Variants in ENTPD1 observed in about 807,000 individuals in gnomAD.
The protein encoded by ENTPD1 is ATP diphosphohydrolase.
ENTPD1 carries 33 observed loss-of-function variants against 57.0 expected under a neutral mutation model. The observed-to-expected ratio is 0.58, with a 90% confidence interval of 0.44 to 0.77. ENTPD1 has a LOEUF of 0.77. Among genes scored for constraint, ENTPD1 ranks in the 30% least tolerant of loss-of-function variants. The pLI is 0.00. For synonymous variants in ENTPD1, 202 were observed against 218.8 expected, an observed-to-expected ratio of 0.92 and a Z score of 0.68; for missense variants, 501 against 603.4, an observed-to-expected ratio of 0.83 and a Z score of 1.78.
chr10:95,801,558 T>C (rs1292967508), intron 1 of ENTPD1, among the ~76,000 whole-genome samples: 2 of 151,764 alleles, frequency 1.3e-5, no homozygotes, highest in East Asian at 3.9e-4. Context: ...TTTTTATTTA[T>C]TTTTTATTTT....
chr10:95,731,101 T>C (rs2097988597), intron 1 of ENTPD1, among the ~76,000 whole-genome samples: 1 of 152,260 alleles, frequency 6.6e-6, no homozygotes, highest in Non-Finnish European at 1.5e-5. Context: ...TTAGCTAATA[T>C]ATAAACATGT....
intron 1 of ENTPD1, among the ~76,000 whole-genome samples, chr10:95,809,590 AGACGGGGCG>A (rs2098291405): frequency 8.7e-6 from 1 of 115,270 alleles, no homozygotes; most frequent in Non-Finnish European, 1.8e-5. Context: ...CCCACCTCCC[AGACGGGGCG>A]GATGCCAGGC....
chr10:95,736,751 G>T (rs1337913842), intron 1 of ENTPD1, among the ~76,000 whole-genome samples: 1 of 151,994 alleles, frequency 6.6e-6, no homozygotes, highest in African/African-American at 2.4e-5. Flanking sequence ...ATGCACATCG[G>T]GGGCCATAAG....
intron 1 of ENTPD1, among the ~76,000 whole-genome samples, chr10:95,800,324 G>T (rs976997926): frequency 5.9e-5 from 9 of 152,158 alleles, no homozygotes; most frequent in Admixed American, 2.6e-4. Context: ...AGGGGAGGGG[G>T]TGTATGAACA....
chr10:95,813,150 A>G (rs2098314911), intron 1 of ENTPD1, among the ~76,000 whole-genome samples: 1 of 152,224 alleles, frequency 6.6e-6, no homozygotes, highest in South Asian at 2.1e-4. Context: ...AGCCTGCAGG[A>G]TGGCCATTTT....
intron 7 of ENTPD1, among the ~76,000 whole-genome samples, chr10:95,853,077 T>A (rs992304438): frequency 6.6e-6 from 1 of 152,220 alleles, no homozygotes; most frequent in Non-Finnish European, 1.5e-5. Flanking sequence ...GAAATGTTCT[T>A]CCATTTGTTT....
At chr10:95,738,797 GCA>G (rs1400137881) in intron 1 of ENTPD1, among the ~76,000 whole-genome samples, 1 of 152,154 alleles carries the variant, frequency 6.6e-6, no homozygotes, top group Non-Finnish European at 1.5e-5. Flanking sequence ...AAGCACATAG[GCA>G]CACTCTGGTT....
chr10:95,849,665 C>G (rs1555304292), intron 7 of ENTPD1, among the ~76,000 whole-genome samples: 1 of 152,266 alleles, frequency 6.6e-6, no homozygotes, highest in Non-Finnish European at 1.5e-5. Flanking sequence ...AAACCACAGT[C>G]TACCCTCCCC....
intron 1 of ENTPD1, among the ~76,000 whole-genome samples, chr10:95,759,670 T>C (rs2098047548): frequency 6.6e-6 from 1 of 152,214 alleles, no homozygotes; most frequent in South Asian, 2.1e-4. Context: ...CATTTGTAAG[T>C]TCCCATGCCA....
chr10:95,835,754 T>C (rs1196146704), intron 2 of ENTPD1, among the ~76,000 whole-genome samples: 1 of 152,024 alleles, frequency 6.6e-6, no homozygotes, highest in Non-Finnish European at 1.5e-5. Flanking sequence ...AGTGTCTATT[T>C]ATGTCTTTGA....
Position 95,758,028 on chromosome 10 carries a change from AAAG to A in ENTPD1, c.16+1775_16+1777del, listed in dbSNP as rs1269635128. ...AAAAAAAAAAAAAAAAAAAAAAAAA[AAAG>A]ATTTGGACTGGATCTGAAACCCTCT... On this transcript the variant is annotated intron_variant, in intron 1 of 9. Transcript: ENST00000371205. 1.8e-3 allele frequency among the ~76,000 whole-genome samples: 69 copies of A among 39,012 alleles called. 5 individuals carry two copies. The highest frequency in any genetic ancestry group is 5.6e-3 in the African/African-American group (49 of 8,770). 25.6% of individuals were successfully genotyped at this position (39,012 alleles called of 152,430 possible). A position where few individuals can be genotyped will look rare whatever the true frequency, so the allele number is the denominator to read the frequency against.
intron 1 of ENTPD1, among the ~76,000 whole-genome samples, chr10:95,714,969 G>A (rs2097969857): frequency 1.3e-5 from 2 of 152,092 alleles, no homozygotes; most frequent in South Asian, 4.1e-4. Flanking sequence ...AAGGACAACG[G>A]GAATGAAAAG....
At chr10:95,803,250 G>A (rs4918970) in intron 1 of ENTPD1, among the ~76,000 whole-genome samples, 40,911 of 152,006 alleles carry the variant, frequency 0.27, 6,345 homozygotes, top group Admixed American at 0.38. Flanking sequence ...TGGGTCAAAT[G>A]GTATTTCTAG....
intron 1 of ENTPD1, among the ~76,000 whole-genome samples, chr10:95,722,615 G>A (rs2097978762): frequency 6.7e-6 from 1 of 150,296 alleles, no homozygotes; most frequent in Non-Finnish European, 1.5e-5. Context: ...ATGGACACAG[G>A]AAGGGGAACA....
chr10:95,842,265 C>A, intron 3 of ENTPD1, 79 bp from the exon 4 acceptor site: 2 of 1,312,712 alleles, frequency 1.5e-6, no homozygotes, highest in Middle Eastern at 2.1e-4. Flanking sequence ...TTCAAAACAC[C>A]ATATTTTGAT....
the ENTPD1 span, among the ~76,000 whole-genome samples, chr10:95,705,213 C>T: frequency 6.6e-6 from 1 of 151,480 alleles, no homozygotes; most frequent in African/African-American, 2.4e-5. Flanking sequence ...TATAATAAAG[C>T]TAAACATATA....
At chr10:95,709,755 GTTGT>G (rs10670966), upstream of ENTPD1, among the ~76,000 whole-genome samples, 134 of 151,046 alleles carry the variant, frequency 8.9e-4, no homozygotes, top group African/African-American at 2.2e-3. Context: ...GTTTTTTGTT[GTTGT>G]TTGTTTGTTT....
intron 1 of ENTPD1, among the ~76,000 whole-genome samples, chr10:95,743,929 T>G (rs1208498973): frequency 6.7e-6 from 1 of 149,104 alleles, no homozygotes; most frequent in Non-Finnish European, 1.5e-5. Context: ...TGCTTATTGC[T>G]ACTGCAGTAT....
chr10:95,717,380 A>G (rs2097972781), intron 1 of ENTPD1, among the ~76,000 whole-genome samples: 1 of 142,602 alleles, frequency 7.0e-6, no homozygotes, highest in Admixed American at 7.4e-5. Context: ...GATTTAATAG[A>G]GTGAAAACAG....
Sources: gnomAD v4.1 joint callset for allele counts (sites outside exome capture counted in the v4.1 genomes callset) on GRCh38, gnomAD v4.1.1 for gene constraint, MANE v1.5 for transcripts, NCBI Gene and HGNC (gene_info 2026-07-23, HGNC 2026-07-21) for gene names.